Variants in PPP2R5E observed in about 807,000 individuals in gnomAD.
The protein encoded by PPP2R5E is protein phosphatase 2 regulatory subunit B'epsilon, also known as serine/threonine-protein phosphatase 2A 56 kDa regulatory subunit epsilon isoform.
In PPP2R5E, 4 loss-of-function variants were observed where a neutral mutation model predicts 65.3. The ratio of observed to expected loss-of-function variants is 0.06; its 90% CI spans 0.03 to 0.14. PPP2R5E has a LOEUF of 0.14. PPP2R5E is among the 10% of genes least tolerant of loss of function. PPP2R5E has a pLI of 1.00. For missense variants in PPP2R5E, 274 were observed against 556.1 expected (o/e 0.49, Z 5.10); for synonymous variants, 183 against 187.4 (o/e 0.98, Z 0.19).
At chr14:63,477,466 T>C (rs946114981) in intron 2 of PPP2R5E, among the ~76,000 whole-genome samples, 18 of 150,078 alleles carry the variant, frequency 1.2e-4, no homozygotes, top group East Asian at 7.8e-4. Flanking sequence ...CCAAGATACA[T>C]AGAGACTAAG....
At chr14:63,412,215 G>A (rs1466138120) in intron 5 of PPP2R5E, among the ~76,000 whole-genome samples, 1 of 152,196 alleles carries the variant, frequency 6.6e-6, no homozygotes, top group Non-Finnish European at 1.5e-5. Flanking sequence ...TCAGCTACTT[G>A]GAAGACTGAG....
intron 2 of PPP2R5E, among the ~76,000 whole-genome samples, chr14:63,496,222 G>A (rs1891560087): frequency 6.6e-6 from 1 of 151,730 alleles, no homozygotes; most frequent in South Asian, 2.1e-4. Flanking sequence ...GAGCCACTTG[G>A]CCAGGCACAG....
chr14:63,511,810 G>A (rs1488679761), intron 2 of PPP2R5E, among the ~76,000 whole-genome samples: 1 of 152,092 alleles, frequency 6.6e-6, no homozygotes, highest in Admixed American at 6.6e-5. Flanking sequence ...TGGGTGTGAT[G>A]GCTCACGTCT....
chr14:63,458,939 A>G (rs1163967636), intron 2 of PPP2R5E, among the ~76,000 whole-genome samples: 1 of 152,152 alleles, frequency 6.6e-6, no homozygotes, highest in African/African-American at 2.4e-5. Flanking sequence ...TTCACAAAAA[A>G]TAATAGGACC....
chr14:63,530,622 C>T (rs1439865093), intron 2 of PPP2R5E, among the ~76,000 whole-genome samples: 2 of 145,092 alleles, frequency 1.4e-5, no homozygotes, highest in East Asian at 2.1e-4. Flanking sequence ...TACACTGACT[C>T]TCAATTTCTT....
intron 2 of PPP2R5E, among the ~76,000 whole-genome samples, chr14:63,468,030 AT>A (rs1357541156): frequency 6.6e-6 from 1 of 152,272 alleles, no homozygotes; most frequent in East Asian, 1.9e-4. Context: ...AAGTGAGTAC[AT>A]AAAAATAAAA....
intron 2 of PPP2R5E, among the ~76,000 whole-genome samples, chr14:63,465,466 A>C (rs1251354037): frequency 1.4e-5 from 2 of 144,690 alleles, no homozygotes; most frequent in Admixed American, 6.8e-5. Context: ...AAAAAAAAAA[A>C]AAAAAAACAA....
chr14:63,403,694 G>A (rs966625079), intron 5 of PPP2R5E, among the ~76,000 whole-genome samples: 1 of 151,530 alleles, frequency 6.6e-6, no homozygotes, highest in Non-Finnish European at 1.5e-5. Context: ...TACTGAGAAG[G>A]GCTGTATGGT....
At chr14:63,462,593 A>C (rs1419418740) in intron 2 of PPP2R5E, among the ~76,000 whole-genome samples, 5 of 152,196 alleles carry the variant, frequency 3.3e-5, no homozygotes, top group Admixed American at 1.3e-4. Context: ...GAAGTTTTAG[A>C]ATATAGTAGG....
intron 3 of PPP2R5E, among the ~76,000 whole-genome samples, chr14:63,427,338 C>G (rs775090811): frequency 2.0e-5 from 3 of 151,758 alleles, no homozygotes; most frequent in Non-Finnish European, 4.4e-5. Flanking sequence ...GGAAATTTTA[C>G]AGTATATTAG....
chr14:63,422,570 C>CA (rs1887087729), intron 3 of PPP2R5E, among the ~76,000 whole-genome samples: 1 of 151,810 alleles, frequency 6.6e-6, no homozygotes, highest in Admixed American at 6.6e-5. Flanking sequence ...ACTAAAAACA[C>CA]AAAAAATTAG....
In PPP2R5E at chr14:63,464,583, G is replaced by C. The variant is rs1024323325; in HGVS notation, c.158-10698C>G. ...GAAGAAGAAAGGACAAGTGGCTGCA[G>C]AAGATCATCTTGGGTCTTGTGAAAC... On this transcript the variant is annotated intron_variant, in intron 2 of 13. Coordinates refer to ENST00000337537, the MANE Select transcript of PPP2R5E (RefSeq NM_006246.5). Among the ~76,000 whole-genome samples, 3 of 152,198 alleles carry C rather than the reference G, an allele frequency of 2.0e-5. No individual in the cohort carries two copies. The South Asian group carries it at 6.2e-4, about 32-fold the overall frequency.
At chr14:63,515,074 T>A (rs1892612972) in intron 2 of PPP2R5E, among the ~76,000 whole-genome samples, 2 of 152,110 alleles carry the variant, frequency 1.3e-5, no homozygotes. Flanking sequence ...GTCACTTCTG[T>A]ATTTCTGACC....
intron 2 of PPP2R5E, among the ~76,000 whole-genome samples, chr14:63,502,682 AAAAAG>A (rs764876813): frequency 1.1e-4 from 17 of 152,284 alleles, no homozygotes; most frequent in Non-Finnish European, 1.6e-4. Context: ...AATAAAAAAG[AAAAAG>A]AAAACACTCC....
intron 2 of PPP2R5E, among the ~76,000 whole-genome samples, chr14:63,465,805 T>C (rs959037661): frequency 6.6e-6 from 1 of 152,160 alleles, no homozygotes; most frequent in Admixed American, 6.5e-5. Flanking sequence ...TAAAAAGGAA[T>C]TACGGAACAA....
intron 5 of PPP2R5E, among the ~76,000 whole-genome samples, chr14:63,403,387 CAAAAAAA>C (rs35226807): frequency 3.8e-5 from 3 of 79,278 alleles, no homozygotes; most frequent in Admixed American, 1.6e-4. Flanking sequence ...GAGTCTGTCT[CAAAAAAA>C]AAAAAAAAAA....
intron 2 of PPP2R5E, among the ~76,000 whole-genome samples, chr14:63,502,247 C>G (rs17101253): frequency 6.6e-6 from 1 of 151,996 alleles, no homozygotes; most frequent in East Asian, 1.9e-4. Flanking sequence ...CAGAGGGCAC[C>G]AGACTTAGAG....
At chr14:63,525,502 A>G (rs1893152961) in intron 2 of PPP2R5E, among the ~76,000 whole-genome samples, 1 of 152,260 alleles carries the variant, frequency 6.6e-6, no homozygotes, top group Admixed American at 6.5e-5. Flanking sequence ...CTACAGAGAG[A>G]GATGACAAAT....
intron 2 of PPP2R5E, among the ~76,000 whole-genome samples, chr14:63,479,914 G>A (rs757787896): frequency 6.6e-6 from 1 of 152,192 alleles, no homozygotes; most frequent in Non-Finnish European, 1.5e-5. Flanking sequence ...GACTAACAGT[G>A]TTAAGGCACC....
Sources: allele counts gnomAD v4.1 joint callset (sites outside exome capture counted in the v4.1 genomes callset), GRCh38; gene constraint gnomAD v4.1.1; transcripts MANE v1.5; gene names NCBI Gene and HGNC (gene_info 2026-07-23, HGNC 2026-07-21).